AGPAT3: variants seen among roughly 807,000 people sequenced by gnomAD.
AGPAT3 encodes 1-acylglycerol-3-phosphate O-acyltransferase 3, also known as 1-acyl-sn-glycerol-3-phosphate acyltransferase gamma.
A neutral mutation model predicts 47.3 loss-of-function variants in AGPAT3; 5 were observed. That is an observed-to-expected ratio of 0.11 (90% CI 0.06 to 0.22). The LOEUF is 0.22. Ranked by LOEUF, AGPAT3 falls within the 10% of genes least tolerant of loss-of-function variation. AGPAT3 has a pLI of 1.00. For synonymous variants in AGPAT3, 212 were observed against 208.3 expected, an observed-to-expected ratio of 1.02 and a Z score of -0.15; for missense variants, 315 against 493.0, an observed-to-expected ratio of 0.64 and a Z score of 3.42.
At chr21:43,959,112 AGT>A (rs1030105831) in intron 2 of AGPAT3, among the ~76,000 whole-genome samples, 417 of 35,452 alleles carry the variant, frequency 0.012, 4 homozygotes, top group African/African-American at 0.058. Flanking sequence ...TGTGGTTTGC[AGT>A]GTGTGTGTGT....
chr21:43,866,603 C>T (rs2085512791), intron 1 of AGPAT3: 1 of 152,302 alleles, frequency 6.6e-6, no homozygotes, highest in African/African-American at 2.4e-5. Context: ...ACCAATCCTC[C>T]TCCCCCACAG....
At chr21:43,906,508 G>A (rs2086499368) in intron 2 of AGPAT3, among the ~76,000 whole-genome samples, 1 of 152,232 alleles carries the variant, frequency 6.6e-6, no homozygotes, top group African/African-American at 2.4e-5. Context: ...TCACTAGACA[G>A]TCAGCAGATT....
chr21:43,940,919 AC>A lies in AGPAT3; in HGVS notation c.-48-18711del, dbSNP rs3842457. Among the ~76,000 whole-genome samples the A allele has an allele frequency of 4.1e-4, 62 of 152,218 alleles. 1 individual carries two copies. In the East Asian group the frequency reaches 0.01, roughly 26 times the overall value. ...CTAGGATTTCAGAGACTCGGTCCCAACCCCGCTGTGTCTCCGGGCTGGGATT... is the reference window on the plus strand; with the variant it reads ...CTAGGATTTCAGAGACTCGGTCCCAACCCGCTGTGTCTCCGGGCTGGGATT... On this transcript the variant is annotated intron_variant, in intron 2 of 9. Coordinates refer to ENST00000291572, the MANE Select transcript of AGPAT3 (RefSeq NM_020132.5).
Position 43,967,645 on chromosome 21 carries a change from C to T in AGPAT3, c.179-301C>T, listed in dbSNP as rs537384224. The T allele has an allele frequency of 2.0e-4, 68 of 334,982 alleles. 1 individual carries two copies. The highest frequency in any genetic ancestry group is 8.6e-4 in the Middle Eastern group (1 of 1,168). The allele number at this position is 334,982 out of a possible 1,614,324, so 20.8% of individuals were successfully genotyped here. A position where few individuals can be genotyped will look rare whatever the true frequency, so the allele number is the denominator to read the frequency against. On this transcript the variant is annotated intron_variant, in intron 3 of 9. Coordinates refer to ENST00000291572, the MANE Select transcript of AGPAT3 (RefSeq NM_020132.5). The stretch of plus-strand genomic sequence containing the variant: ...GCACCTCTCACGGGGCGTGGCTGTG[C>T]GGTACTCGGCCACACCAAGGTGCAC...
rs375084020 is a variant in AGPAT3 at position 43,907,068 on chromosome 21, G to A, written c.-49+3049G>A. ...TTTTTTTGAGAGGGGGTCTCTCTCT[G>A]TCTCCCAGGCTGGAGCTCAATGACG... On this transcript the variant is annotated intron_variant, in intron 2 of 9. Coordinates refer to ENST00000291572, the MANE Select transcript of AGPAT3 (RefSeq NM_020132.5). 3.0e-4 allele frequency among the ~76,000 whole-genome samples: 38 copies of A among 127,870 alleles called. No individual in the cohort carries two copies. In the East Asian group the frequency reaches 6.5e-3, roughly 22 times the overall value. 83.9% of individuals were successfully genotyped at this position (127,870 alleles called of 152,430 possible).
At chr21:43,941,520 C>G (rs1057302896) in intron 2 of AGPAT3, among the ~76,000 whole-genome samples, 3 of 152,242 alleles carry the variant, frequency 2.0e-5, no homozygotes, top group Non-Finnish European at 4.4e-5. Context: ...GCACTCCAGC[C>G]TGGGCAACAG....
intron 2 of AGPAT3, among the ~76,000 whole-genome samples, chr21:43,956,973 C>T (rs541418218): frequency 7.7e-4 from 117 of 152,346 alleles, no homozygotes; most frequent in Non-Finnish European, 1.3e-3. Flanking sequence ...AAGACCCCTC[C>T]ACCTTTCGAG....
At chr21:43,903,906 G>A (rs188033697) in intron 1 of AGPAT3, 51 bp from the exon 2 acceptor site, 8 of 152,424 alleles carry the variant, frequency 5.2e-5, no homozygotes, top group East Asian at 3.9e-4. Context: ...GTCACACGGC[G>A]TCTCTCCAGT....
At chr21:43,905,309 C>T (rs992886260) in intron 2 of AGPAT3, among the ~76,000 whole-genome samples, 31 of 152,070 alleles carry the variant, frequency 2.0e-4, no homozygotes, top group Non-Finnish European at 3.8e-4. Context: ...CCTGCCTCAG[C>T]CCCCTGAGTA....
At position 43,952,121 on chromosome 21, in the gene AGPAT3, C is replaced by G. The variant is rs376695929; in HGVS notation, c.-48-7513C>G. The stretch of plus-strand genomic sequence containing the variant: ...CCAGAACTACGGACCTGGGATGAGG[C>G]GGCCTGTGAGTGCGATTGGGCTGTG... On this transcript the variant is annotated intron_variant, in intron 2 of 9. Transcript: ENST00000291572. This position sits in a 1 kb window ranked among gnomAD's most constrained non-coding sequence, Gnocchi z 5.6. 6.6e-6 allele frequency among the ~76,000 whole-genome samples: 1 copy of G among 152,046 alleles called. No individual in the cohort carries two copies. Among genetic ancestry groups the G allele is most frequent in the African/African-American group, 2.4e-5 (1 of 41,402 alleles).
At chr21:43,915,669 C>A (rs536626350) in intron 2 of AGPAT3, among the ~76,000 whole-genome samples, 1 of 152,146 alleles carries the variant, frequency 6.6e-6, no homozygotes, top group Admixed American at 6.5e-5. Flanking sequence ...GCGTTGGTCT[C>A]CCAGAGTGCT....
chr21:43,968,211 G>A (rs2089231279), intron 4 of AGPAT3, 96 bp downstream of exon 4: 2 of 1,418,174 alleles, frequency 1.4e-6, no homozygotes, highest in African/African-American at 1.4e-5. Flanking sequence ...GGTGAGCAGG[G>A]GGTCCCTGCA....
chr21:43,974,167 ATG>A (rs1388140037), intron 7 of AGPAT3, among the ~76,000 whole-genome samples: 4 of 151,806 alleles, frequency 2.6e-5, no homozygotes, highest in South Asian at 2.1e-4. Flanking sequence ...TGTGTAAATT[ATG>A]TGTGTGTTGT....
intron 4 of AGPAT3, among the ~76,000 whole-genome samples, chr21:43,968,703 G>A (rs1047022483): frequency 1.3e-5 from 2 of 152,060 alleles, no homozygotes; most frequent in African/African-American, 4.8e-5. Flanking sequence ...CATGGCCTTT[G>A]CCTTTGAGAT....
At chr21:43,868,969 C>T (rs968912036) in intron 1 of AGPAT3, among the ~76,000 whole-genome samples, 1 of 152,186 alleles carries the variant, frequency 6.6e-6, no homozygotes, top group Non-Finnish European at 1.5e-5. Context: ...ACCAAACCAC[C>T]TTGATGCTCA....
rs2087296439 is a variant in AGPAT3 at position 43,932,752 on chromosome 21, G to A, written c.-48-26882G>A. 6.6e-6 allele frequency among the ~76,000 whole-genome samples: 1 copy of A among 152,248 alleles called. No individual in the cohort carries two copies. The highest frequency in any genetic ancestry group is 1.5e-5 in the Non-Finnish European group (1 of 68,048). ...TGCAAGCTCCGCCTCTTGGGTTCAA[G>A]CGATTCTTTTGCTTCAGCCTCCCGA... On this transcript the variant is annotated intron_variant, in intron 2 of 9. Coordinates refer to ENST00000291572, the MANE Select transcript of AGPAT3 (RefSeq NM_020132.5). This position sits in a 1 kb window ranked among gnomAD's most constrained non-coding sequence, Gnocchi z 5.2.
rs1189065189 is a variant in AGPAT3 at position 43,865,953 on chromosome 21, G to C, written c.-112+608G>C. Reference sequence around the variant, plus strand: ...TGGCTGTGGGTTCGGCCCGGAGACCGGCGGCGCGTTTGCACCGGGCGGGTC... The same window carrying C: ...TGGCTGTGGGTTCGGCCCGGAGACCCGCGGCGCGTTTGCACCGGGCGGGTC... On this transcript the variant is annotated intron_variant, in intron 1 of 9. Coordinates refer to ENST00000291572, the MANE Select transcript of AGPAT3 (RefSeq NM_020132.5). Among the ~76,000 whole-genome samples, 2 of 152,106 alleles carry C rather than the reference G, an allele frequency of 1.3e-5. 1 individual carries two copies. The highest frequency in any genetic ancestry group is 2.9e-5 in the Non-Finnish European group (2 of 67,988).
intron 3 of AGPAT3, chr21:43,967,167 C>T (rs1243716618): frequency 6.6e-6 from 1 of 152,322 alleles, no homozygotes; most frequent in Non-Finnish European, 1.5e-5. Flanking sequence ...CGGCACGAGC[C>T]CCTCCACACT....
intron 1 of AGPAT3, among the ~76,000 whole-genome samples, chr21:43,900,526 A>C (rs2086325038): frequency 6.6e-6 from 1 of 152,048 alleles, no homozygotes; most frequent in Non-Finnish European, 1.5e-5. Context: ...CAGAGTGTGG[A>C]GTTAAGGGGC....
Sources: gnomAD v4.1 joint callset for allele counts (sites outside exome capture counted in the v4.1 genomes callset) on GRCh38, gnomAD v4.1.1 for gene constraint, Gnocchi (gnomAD v3.1) non-coding constraint, MANE v1.5 for transcripts, NCBI Gene and HGNC (gene_info 2026-07-23, HGNC 2026-07-21) for gene names.